CYSTM1: variants seen among roughly 807,000 people sequenced by gnomAD.
CYSTM1 encodes the protein cysteine rich transmembrane module containing 1.
A neutral mutation model predicts 13.1 loss-of-function variants in CYSTM1; 4 were observed. The ratio of observed to expected loss-of-function variants is 0.31; its 90% CI spans 0.15 to 0.70. The LOEUF (loss-of-function observed/expected upper bound fraction) is 0.70, where lower values mean the gene tolerates loss of function less well. Ranked by LOEUF, CYSTM1 falls within the 30% of genes least tolerant of loss-of-function variation. CYSTM1 has a pLI of 0.72. For synonymous variants in CYSTM1, 36 were observed against 42.7 expected (o/e 0.84, Z 0.62); for missense variants, 96 against 121.6 (o/e 0.79, Z 0.99).
rs1176828713 is a variant in CYSTM1, at chr5:140,232,466, A to G, written c.188-10839A>G. Among the ~76,000 whole-genome samples, 3 of 152,200 alleles carry G rather than the reference A, an allele frequency of 2.0e-5. No individual in the cohort carries two copies. In the East Asian group the frequency reaches 5.8e-4, roughly 29 times the overall value. On this transcript the variant is annotated intron_variant, in intron 2 of 2. Transcript: ENST00000261811. ...GGATGGATCTGCAAAGGAGTCAGAG[A>G]GAGAAAGCTAGGAGAATGGGATGTC...
At chr5:140,180,870 A>G (rs1163340725) in intron 1 of CYSTM1, among the ~76,000 whole-genome samples, 1 of 152,196 alleles carries the variant, frequency 6.6e-6, no homozygotes. Flanking sequence ...GGTTTGATCT[A>G]CCTGAATTTA....
intron 2 of CYSTM1, among the ~76,000 whole-genome samples, chr5:140,199,015 T>C (rs1282040271): frequency 6.6e-6 from 1 of 152,098 alleles, no homozygotes; most frequent in East Asian, 1.9e-4. Flanking sequence ...GTCCATGTGT[T>C]CTCTTTGTTC....
Position 140,194,507 on chromosome 5 carries a change from A to C in CYSTM1, c.42A>C (p.Pro14=). 6.2e-7 allele frequency: 1 copy of C among 1,610,572 alleles called. No homozygotes were observed. The highest frequency in any genetic ancestry group is 8.5e-7 in the Non-Finnish European group (1 of 1,179,030). The change falls in exon 2 of 3, where the codon CCA becomes CCC. Residue 14 remains proline, a synonymous_variant. Transcript: ENST00000261811. ...CTCCACCATATCCAGGCCCTGGTCC[A>C]ACGGCCCCATACCCACCTTATCCAC... ...ENPPPYPGPG[P]TAPYPPYPPQ...
chr5:140,229,562 G>A (rs184750623), intron 2 of CYSTM1, among the ~76,000 whole-genome samples: 3 of 151,884 alleles, frequency 2.0e-5, no homozygotes, highest in African/African-American at 7.3e-5. Flanking sequence ...TCTTTCCCTC[G>A]TGCTTTGTAT....
At chr5:140,192,887 A>G (rs1460590615) in intron 1 of CYSTM1, among the ~76,000 whole-genome samples, 1 of 152,188 alleles carries the variant, frequency 6.6e-6, no homozygotes, top group Non-Finnish European at 1.5e-5. Flanking sequence ...AACTACAGGA[A>G]GAATGAGCAG....
At chr5:140,181,202 G>A (rs1671248053) in intron 1 of CYSTM1, among the ~76,000 whole-genome samples, 2 of 152,184 alleles carry the variant, frequency 1.3e-5, no homozygotes, top group South Asian at 4.1e-4. Flanking sequence ...TGTGTGAAGA[G>A]GGGGACATTT....
intron 2 of CYSTM1, among the ~76,000 whole-genome samples, chr5:140,238,836 T>C (rs965584840): frequency 2.6e-5 from 4 of 152,244 alleles, no homozygotes; most frequent in African/African-American, 9.6e-5. Context: ...AGATGCCCAA[T>C]GCGGGGCAAG....
At chr5:140,235,852 T>C (rs1003900846) in intron 2 of CYSTM1, among the ~76,000 whole-genome samples, 8 of 152,194 alleles carry the variant, frequency 5.3e-5, no homozygotes, top group Non-Finnish European at 8.8e-5. Context: ...ATTACAAGAC[T>C]CTAGCAGAAG....
At chr5:140,193,145 G>T (rs779848297) in intron 1 of CYSTM1, among the ~76,000 whole-genome samples, 15 of 152,208 alleles carry the variant, frequency 9.9e-5, no homozygotes, top group Non-Finnish European at 1.5e-4. Flanking sequence ...GGGGATAGAA[G>T]ACACTCAAAT....
intron 1 of CYSTM1, among the ~76,000 whole-genome samples, chr5:140,177,024 G>T (rs555059404): frequency 1.5e-5 from 2 of 136,648 alleles, no homozygotes; most frequent in East Asian, 4.7e-4. Context: ...AGCCGAGGCT[G>T]CGCCACTGCA....
At chr5:140,217,240 A>G (rs781547938) in intron 2 of CYSTM1, among the ~76,000 whole-genome samples, 44 of 152,146 alleles carry the variant, frequency 2.9e-4, no homozygotes, top group Non-Finnish European at 5.3e-4. Context: ...TTAATGGGTA[A>G]AAGTGACTTT....
intron 2 of CYSTM1, among the ~76,000 whole-genome samples, chr5:140,197,447 C>G (rs1764171801): frequency 6.6e-6 from 1 of 152,144 alleles, no homozygotes; most frequent in Non-Finnish European, 1.5e-5. Flanking sequence ...CTGTCATTAG[C>G]TTGTGAATTA....
At chr5:140,216,174 C>T (rs187412131) in intron 2 of CYSTM1, among the ~76,000 whole-genome samples, 1 of 152,146 alleles carries the variant, frequency 6.6e-6, no homozygotes, top group East Asian at 1.9e-4. Flanking sequence ...TTTATATAGT[C>T]TGTATATCCT....
intron 2 of CYSTM1, among the ~76,000 whole-genome samples, chr5:140,238,085 C>T (rs779733311): frequency 3.9e-5 from 6 of 152,202 alleles, no homozygotes; most frequent in Non-Finnish European, 7.3e-5. Context: ...GGTTGGCCAG[C>T]TCCTGGTCTA....
intron 2 of CYSTM1, among the ~76,000 whole-genome samples, chr5:140,235,408 CTTT>C (rs11310816): frequency 2.9e-5 from 4 of 139,472 alleles, no homozygotes; most frequent in Non-Finnish European, 1.6e-5. Context: ...AAAAACTTTC[CTTT>C]TTTTTTTTTT....
At chr5:140,235,733 T>G (rs1181395664) in intron 2 of CYSTM1, among the ~76,000 whole-genome samples, 1 of 152,212 alleles carries the variant, frequency 6.6e-6, no homozygotes, top group Non-Finnish European at 1.5e-5. Context: ...TCTTCTCAAG[T>G]GTATTTTGGG....
intron 1 of CYSTM1, among the ~76,000 whole-genome samples, chr5:140,176,778 C>A (rs1045832811): frequency 2.0e-5 from 3 of 152,142 alleles, no homozygotes; most frequent in Non-Finnish European, 4.4e-5. Flanking sequence ...GATCAAAGAT[C>A]TCTAGACCTG....
At chr5:140,218,987 G>A (rs1224906790) in intron 2 of CYSTM1, among the ~76,000 whole-genome samples, 1 of 152,202 alleles carries the variant, frequency 6.6e-6, no homozygotes, top group Non-Finnish European at 1.5e-5. Flanking sequence ...TTCATGGCAA[G>A]AGGCTGGTCA....
chr5:140,228,971 T>C, intron 2 of CYSTM1: 2 of 394,392 alleles, frequency 5.1e-6, no homozygotes, highest in Non-Finnish European at 8.9e-6. Context: ...GCACCTTTCA[T>C]AGGTGTGAAA....
Sources: gnomAD v4.1 joint callset for allele counts (sites outside exome capture counted in the v4.1 genomes callset) on GRCh38, gnomAD v4.1.1 for gene constraint, MANE v1.5 for transcripts, NCBI Gene and HGNC (gene_info 2026-07-23, HGNC 2026-07-21) for gene names.